MBTD1: variants seen among roughly 807,000 people sequenced by gnomAD.
The protein encoded by MBTD1 is mbt domain containing 1.
In MBTD1, 24 loss-of-function variants were observed where a neutral mutation model predicts 87.8. The observed-to-expected ratio is 0.27, with a 90% CI of 0.20 to 0.38. MBTD1 has a LOEUF of 0.38. Among genes scored for constraint, MBTD1 ranks in the 10% least tolerant of loss-of-function variants. MBTD1 has a pLI of 1.00. For missense variants in MBTD1, 436 were observed against 760.2 expected (o/e 0.57, Z 5.02); for synonymous variants, 237 against 248.6 (o/e 0.95, Z 0.44).
intron 12 of MBTD1, among the ~76,000 whole-genome samples, chr17:51,195,999 C>G (rs1049673245): frequency 6.6e-6 from 1 of 152,138 alleles, no homozygotes. Flanking sequence ...CCTTGACCTC[C>G]CCGGCTCAAG....
At chr17:51,211,462 G>A (rs909237710) in intron 6 of MBTD1, among the ~76,000 whole-genome samples, 30 of 150,246 alleles carry the variant, frequency 2.0e-4, no homozygotes, top group South Asian at 2.1e-4. Context: ...AGCTGTAATC[G>A]TGCTACTGGA....
intron 6 of MBTD1, among the ~76,000 whole-genome samples, chr17:51,209,643 C>T (rs909407085): frequency 2.0e-5 from 3 of 152,196 alleles, no homozygotes; most frequent in Admixed American, 1.3e-4. Flanking sequence ...ACTGCACACA[C>T]GATGCTTTAT....
In MBTD1 at chr17:51,180,511, TG is replaced by T; in HGVS notation, c.*64del. ...CCAGTAGAGTAGCCCCCTGTACAGC[TG>T]GATTGATTATAAATCAGTCCTGTGT... On this transcript the variant is annotated 3_prime_UTR_variant, in exon 17 of 17. Coordinates refer to ENST00000586178, the MANE Select transcript of MBTD1 (RefSeq NM_017643.3). 2.9e-6 allele frequency: 2 copies of T among 701,270 alleles called. No homozygotes were observed. The highest frequency in any genetic ancestry group is 4.7e-6 in the Non-Finnish European group (2 of 427,422). The allele number at this position is 701,270 out of a possible 1,614,324, so 43.4% of individuals were successfully genotyped here.
chr17:51,184,155 T>C lies in MBTD1; in HGVS notation c.1769-3461A>G, dbSNP rs575794887. On this transcript the variant is annotated intron_variant, in intron 16 of 16. Transcript: ENST00000586178. Reference sequence around the variant, plus strand: ...CACTCAGATGTGCAATGTTTTAATGTAAAGTTTCACTGTTTTCATGGAATC... The same window carrying C: ...CACTCAGATGTGCAATGTTTTAATGCAAAGTTTCACTGTTTTCATGGAATC... The C allele has an allele frequency of 3.3e-5, 5 of 152,388 alleles. No individual in the cohort carries two copies. In the East Asian group the frequency reaches 9.6e-4, roughly 29 times the overall value. 9.4% of individuals were successfully genotyped at this position (152,388 alleles called of 1,614,324 possible). A position where few individuals can be genotyped will look rare whatever the true frequency, so the allele number is the denominator to read the frequency against.
At chr17:51,220,694 G>T (rs1022267447) in intron 3 of MBTD1, among the ~76,000 whole-genome samples, 1 of 152,186 alleles carries the variant, frequency 6.6e-6, no homozygotes, top group East Asian at 1.9e-4. Flanking sequence ...GTGGCTTGAG[G>T]TCTGAAAGGT....
intron 12 of MBTD1, among the ~76,000 whole-genome samples, chr17:51,200,738 C>T (rs2051432164): frequency 6.6e-6 from 1 of 151,638 alleles, no homozygotes; most frequent in African/African-American, 2.4e-5. Context: ...GTGGCATGCA[C>T]CTGTAATCCC....
At chr17:51,256,808 A>G (rs1356874733) in intron 2 of MBTD1, 1 of 152,212 alleles carries the variant, frequency 6.6e-6, no homozygotes, top group Non-Finnish European at 1.5e-5. Context: ...GATTATGCTG[A>G]TACTAGACTA....
intron 2 of MBTD1, chr17:51,249,701 TTTTC>T (rs933870947): frequency 1.9e-4 from 29 of 152,290 alleles, no homozygotes; most frequent in African/African-American, 6.5e-4. Context: ...TCCATCATGG[TTTTC>T]TTTGTCCCTT....
intron 16 of MBTD1, among the ~76,000 whole-genome samples, chr17:51,182,764 G>A (rs889918933): frequency 3.9e-5 from 6 of 152,122 alleles, no homozygotes; most frequent in South Asian, 2.1e-4. Flanking sequence ...ACACATATAT[G>A]GGGTGTAAAT....
intron 16 of MBTD1, chr17:51,184,970 G>GT (rs1467324210): frequency 6.6e-6 from 1 of 152,178 alleles, no homozygotes; most frequent in Non-Finnish European, 1.5e-5. Flanking sequence ...GAACATCACA[G>GT]TGATCTTCAG....
chr17:51,220,249 G>C, intron 4 of MBTD1, 81 bp downstream of exon 4: 2 of 1,346,134 alleles, frequency 1.5e-6, no homozygotes, highest in Non-Finnish European at 2.0e-6. Flanking sequence ...GTGGAGTACA[G>C]TGAATCACAG....
In MBTD1 at chr17:51,179,484, T is replaced by TATATATATATATATTTA. The variant is rs60957699; in HGVS notation, c.*1091_*1092insTAAATATATATATATAT. 1 of 35,294 alleles carries TATATATATATATATTTA rather than the reference T, an allele frequency of 2.8e-5. No homozygotes were observed. Among genetic ancestry groups the TATATATATATATATTTA allele is most frequent in the Non-Finnish European group, 5.9e-5 (1 of 17,026 alleles). The allele number at this position is 35,294 out of a possible 1,614,324, so 2.2% of individuals were successfully genotyped here. A position where few individuals can be genotyped will look rare whatever the true frequency, so the allele number is the denominator to read the frequency against. On this transcript the variant is annotated 3_prime_UTR_variant, in exon 17 of 17. Transcript: ENST00000586178. The stretch of plus-strand genomic sequence containing the variant: ...ATCCTGAATACAATTAAAGACAATT[T>TATATATATATATATTTA]TATATATATATATATATATATATAT...
intron 16 of MBTD1, among the ~76,000 whole-genome samples, chr17:51,190,630 G>A (rs111389137): frequency 2.3e-3 from 338 of 146,588 alleles, no homozygotes; most frequent in African/African-American, 8.3e-3. Context: ...GCTGAGGTGG[G>A]AGAATTGCTT....
intron 6 of MBTD1, among the ~76,000 whole-genome samples, chr17:51,215,517 C>T (rs1296801124): frequency 9.2e-5 from 14 of 152,002 alleles, no homozygotes; most frequent in Non-Finnish European, 1.6e-4. Context: ...GACAAATGTT[C>T]CAGGAATCTG....
chr17:51,192,102 T>A, intron 16 of MBTD1, 101 bp downstream of exon 16: 1 of 857,572 alleles, frequency 1.2e-6, no homozygotes, highest in South Asian at 1.5e-5. Flanking sequence ...TAATGCACAA[T>A]CATCAGTTCT....
intron 2 of MBTD1, among the ~76,000 whole-genome samples, chr17:51,253,628 G>A (rs2144245605): frequency 6.6e-6 from 1 of 152,220 alleles, no homozygotes; most frequent in Middle Eastern, 3.4e-3. Flanking sequence ...TTTTAGCAGG[G>A]TAGAAGTGGC....
At chr17:51,235,298 G>C (rs1305163245) in intron 2 of MBTD1, among the ~76,000 whole-genome samples, 1 of 152,012 alleles carries the variant, frequency 6.6e-6, no homozygotes, top group Non-Finnish European at 1.5e-5. Context: ...ATCATACCCA[G>C]CTAATTTTTG....
chr17:51,215,146 G>A lies in MBTD1; in HGVS notation c.486+2188C>T, dbSNP rs539408903. Among the ~76,000 whole-genome samples the A allele has an allele frequency of 6.6e-5, 10 of 152,320 alleles. No individual in the cohort carries two copies. In the South Asian group the frequency reaches 2.1e-3, roughly 32 times the overall value. ...GGTAAATGGAACAGGAAGGCACTGG[G>A]TCCACATAATTGAGAAACAGATGCC... On this transcript the variant is annotated intron_variant, in intron 6 of 16. Coordinates refer to ENST00000586178, the MANE Select transcript of MBTD1 (RefSeq NM_017643.3).
At chr17:51,241,767 T>C (rs758897258) in intron 2 of MBTD1, among the ~76,000 whole-genome samples, 25 of 152,294 alleles carry the variant, frequency 1.6e-4, no homozygotes, top group Non-Finnish European at 3.1e-4. Flanking sequence ...GGTTTCACCA[T>C]GTTTGCCAGG....
Sources: allele counts gnomAD v4.1 joint callset (sites outside exome capture counted in the v4.1 genomes callset), GRCh38; gene constraint gnomAD v4.1.1; transcripts MANE v1.5; gene names NCBI Gene and HGNC (gene_info 2026-07-23, HGNC 2026-07-21).